Variants in GPC6 observed in about 807,000 individuals in gnomAD.
GPC6 encodes the protein glypican-6.
Under a neutral mutation model 55.2 loss-of-function variants are expected in GPC6, and 14 were observed. That is an observed-to-expected ratio of 0.25 (90% CI 0.17 to 0.40). The LOEUF (loss-of-function observed/expected upper bound fraction) is 0.40, where lower values mean the gene tolerates loss of function less well. Ranked by LOEUF, GPC6 falls within the 10% of genes least tolerant of loss-of-function variation. The pLI is 1.00. For synonymous variants in GPC6, 278 were observed against 259.6 expected (o/e 1.07, Z -0.68); for missense variants, 641 against 708.5 (o/e 0.90, Z 1.08).
chr13:93,942,902 C>T (rs1471534030), intron 3 of GPC6, among the ~76,000 whole-genome samples: 1 of 152,118 alleles, frequency 6.6e-6, no homozygotes, highest in Non-Finnish European at 1.5e-5. Flanking sequence ...TTCTCTAGTT[C>T]ATTCTGCTCC....
At position 94,003,497 on chromosome 13, in the gene GPC6, A is replaced by C. The variant is rs368246060; in HGVS notation, c.712-24232A>C. Among the ~76,000 whole-genome samples, 49 of 152,308 alleles carry C rather than the reference A, an allele frequency of 3.2e-4. No homozygotes were observed. In the South Asian group the frequency reaches 9.6e-3, roughly 30 times the overall value. On this transcript the variant is annotated intron_variant, in intron 3 of 8. Coordinates refer to ENST00000377047, the MANE Select transcript of GPC6 (RefSeq NM_005708.5). The stretch of plus-strand genomic sequence containing the variant: ...GTGTCTTTGATTGGGATAAGCAAAA[A>C]GGTTAAAATGCCATTTTAATTTATC...
At chr13:93,986,075 C>A (rs1472709869) in intron 3 of GPC6, among the ~76,000 whole-genome samples, 2 of 151,968 alleles carry the variant, frequency 1.3e-5, no homozygotes, top group Non-Finnish European at 2.9e-5. Flanking sequence ...ATGAATTGAT[C>A]CATTACTCAA....
intron 6 of GPC6, among the ~76,000 whole-genome samples, chr13:94,381,578 G>A (rs1880160625): frequency 6.6e-6 from 1 of 152,148 alleles, no homozygotes; most frequent in Admixed American, 6.6e-5. Flanking sequence ...TCAAAATAAA[G>A]TCACATTCTG....
Position 94,079,489 on chromosome 13 carries a change from G to C in GPC6, c.877+51595G>C, listed in dbSNP as rs565668527. Among the ~76,000 whole-genome samples, 3 of 152,266 alleles carry C rather than the reference G, an allele frequency of 2.0e-5. No homozygotes were observed. In the East Asian group the frequency reaches 5.8e-4, roughly 29 times the overall value. ...TTTCATATCCATCAATGTTTGTAGAGTCATTGGGGTCTCTGCAGATGATGT... is the reference window on the plus strand; with the variant it reads ...TTTCATATCCATCAATGTTTGTAGACTCATTGGGGTCTCTGCAGATGATGT... On this transcript the variant is annotated intron_variant, in intron 4 of 8. Transcript: ENST00000377047.
intron 3 of GPC6, among the ~76,000 whole-genome samples, chr13:93,950,651 G>A (rs1335768715): frequency 2.0e-5 from 3 of 152,120 alleles, no homozygotes; most frequent in African/African-American, 7.2e-5. Flanking sequence ...TGATAGCAGA[G>A]GGTCACTCTG....
Position 94,403,131 on chromosome 13 carries a change from G to A in GPC6, c.1582G>A (p.Asp528Asn), listed in dbSNP as rs1266676912. ...AGTGGATCCCGACCGGAGAGAGGTG[G>A]ACTCTTCTGCAGCCCAGCGTGGCCA... ...PAVDPDRREV[D>N]SSAAQRGHSL... Residue 528 changes from aspartate to asparagine, a missense_variant, in exon 9 of 9, where the codon GAC (aspartate) becomes AAC (asparagine). By Grantham distance (23) the Asp-to-Asn change is conservative. Transcript: ENST00000377047. 6.2e-7 allele frequency: 1 copy of A among 1,613,974 alleles called. No individual in the cohort carries two copies.
chr13:93,437,021 T>A (rs1315881231), intron 1 of GPC6, among the ~76,000 whole-genome samples: 1 of 152,124 alleles, frequency 6.6e-6, no homozygotes, highest in Admixed American at 6.6e-5. Flanking sequence ...ATTTCCAATA[T>A]TTTAAGTTCG....
intron 1 of GPC6, among the ~76,000 whole-genome samples, chr13:93,325,301 T>C (rs1187761421): frequency 6.6e-6 from 1 of 152,212 alleles, no homozygotes; most frequent in African/African-American, 2.4e-5. Context: ...TATTTTTAAT[T>C]TTCATGATTA....
intron 1 of GPC6, among the ~76,000 whole-genome samples, chr13:93,519,449 G>A (rs188543863): frequency 6.6e-6 from 1 of 152,060 alleles, no homozygotes; most frequent in Admixed American, 6.6e-5. Context: ...GGCCAAGATA[G>A]AAACACTAAA....
At chr13:93,396,227 A>C (rs9524045) in intron 1 of GPC6, among the ~76,000 whole-genome samples, 20,262 of 152,214 alleles carry the variant, frequency 0.13, 2,080 homozygotes, top group East Asian at 0.48. Context: ...AAAGAATTAT[A>C]AAATGTTAAT....
intron 4 of GPC6, among the ~76,000 whole-genome samples, chr13:94,059,266 A>G (rs1884240642): frequency 6.6e-6 from 1 of 151,940 alleles, no homozygotes; most frequent in Non-Finnish European, 1.5e-5. Flanking sequence ...AAAAATAACA[A>G]TTGCTGGGTG....
chr13:94,395,127 A>G (rs972734613), intron 7 of GPC6, among the ~76,000 whole-genome samples: 17 of 152,202 alleles, frequency 1.1e-4, no homozygotes, highest in African/African-American at 3.9e-4. Flanking sequence ...TGTTTATTCC[A>G]ATAGGCTGTA....
intron 3 of GPC6, among the ~76,000 whole-genome samples, chr13:93,873,793 C>G (rs551391905): frequency 2.2e-4 from 33 of 152,054 alleles, no homozygotes; most frequent in Non-Finnish European, 4.4e-4. Flanking sequence ...TCAATCATCC[C>G]TAATTCTAGT....
At chr13:94,254,853 G>A (rs1325612388) in intron 4 of GPC6, among the ~76,000 whole-genome samples, 1 of 152,016 alleles carries the variant, frequency 6.6e-6, no homozygotes, top group Non-Finnish European at 1.5e-5. Flanking sequence ...TTAACCTTCT[G>A]TAGTCTCCTC....
chr13:93,508,052 C>T (rs1880805400), intron 1 of GPC6, among the ~76,000 whole-genome samples: 1 of 152,024 alleles, frequency 6.6e-6, no homozygotes, highest in African/African-American at 2.4e-5. Context: ...CACTTTTATT[C>T]TAGTAGAGGG....
At chr13:93,745,684 C>T (rs1008777372) in intron 2 of GPC6, among the ~76,000 whole-genome samples, 1 of 152,188 alleles carries the variant, frequency 6.6e-6, no homozygotes, top group African/African-American at 2.4e-5. Flanking sequence ...CAGTTACCCA[C>T]AGGATCAGGA....
At chr13:93,340,882 A>G (rs1372676433) in intron 1 of GPC6, among the ~76,000 whole-genome samples, 1 of 152,140 alleles carries the variant, frequency 6.6e-6, no homozygotes, top group Non-Finnish European at 1.5e-5. Context: ...TAGTGCACCT[A>G]CCACCGGAGT....
chr13:94,018,979 G>A (rs1012945773), intron 3 of GPC6, among the ~76,000 whole-genome samples: 2 of 152,142 alleles, frequency 1.3e-5, no homozygotes, highest in African/African-American at 2.4e-5. Flanking sequence ...TGTCTTCCAC[G>A]AAACTTGTGC....
At chr13:94,158,777 G>C (rs146498677) in intron 4 of GPC6, among the ~76,000 whole-genome samples, 1,660 of 152,232 alleles carry the variant, frequency 0.011, 17 homozygotes, top group Middle Eastern at 0.041. Flanking sequence ...AGTTAGGTCT[G>C]GGTTCACACC....
Sources: allele counts gnomAD v4.1 joint callset (sites outside exome capture counted in the v4.1 genomes callset), GRCh38; gene constraint gnomAD v4.1.1; transcripts MANE v1.5; gene names NCBI Gene and HGNC (gene_info 2026-07-23, HGNC 2026-07-21).